TYW1B: variants seen among roughly 807,000 people sequenced by gnomAD.
TYW1B encodes S-adenosyl-L-methionine-dependent tRNA 4-demethylwyosine synthase TYW1B.
Under a neutral mutation model 86.9 loss-of-function variants are expected in TYW1B, and 73 were observed. That is an observed-to-expected ratio of 0.84 (90% CI 0.70 to 1.02). The LOEUF (loss-of-function observed/expected upper bound fraction) is 1.02, where lower values mean the gene tolerates loss of function less well. TYW1B is among the 50% of genes least tolerant of loss of function. The probability of loss-of-function intolerance (pLI) is 0.00; values close to 1 mark genes in which losing one functional copy is unlikely to be tolerated. For synonymous variants in TYW1B, 248 were observed against 292.8 expected, an observed-to-expected ratio of 0.85 and a Z score of 1.56; for missense variants, 637 against 827.4, an observed-to-expected ratio of 0.77 and a Z score of 2.82.
chr7:72,706,834 T>C (rs1467741897), intron 10 of TYW1B, among the ~76,000 whole-genome samples: 2 of 152,134 alleles, frequency 1.3e-5, no homozygotes, highest in East Asian at 3.8e-4. Flanking sequence ...ATGTAAAACC[T>C]CTTGGTTTTT....
intron 7 of TYW1B, among the ~76,000 whole-genome samples, chr7:72,761,074 C>T (rs558625599): frequency 2.4e-4 from 36 of 152,170 alleles, no homozygotes; most frequent in African/African-American, 8.2e-4. Flanking sequence ...AAATAAATTA[C>T]ACCAATGTAA....
Position 72,632,388 on chromosome 7 carries a change from G to GTATATATATAATATATATATACA in TYW1B, c.1507-3392_1507-3391insTGTATATATATATTATATATATA, listed in dbSNP as rs1563038697. Among the ~76,000 whole-genome samples, 492 of 70,288 alleles carry GTATATATATAATATATATATACA rather than the reference G, an allele frequency of 7.0e-3. 31 individuals carry two copies. In the East Asian group the frequency reaches 0.07, roughly 10 times the overall value. 46.1% of individuals were successfully genotyped at this position (70,288 alleles called of 152,430 possible). On this transcript the variant is annotated intron_variant, in intron 11 of 13. Transcript: ENST00000620995. ...ATACGCATATATATTATATATATAC[G>GTATATATATAATATATATATACA]TATATATATATAATATATATATACA...
At chr7:72,652,625 G>A (rs141017331) in intron 11 of TYW1B, among the ~76,000 whole-genome samples, 19 of 151,138 alleles carry the variant, frequency 1.3e-4, no homozygotes, top group Admixed American at 2.6e-4. Flanking sequence ...ATACTGGTGA[G>A]TTGAACTTAC....
intron 11 of TYW1B, among the ~76,000 whole-genome samples, chr7:72,680,621 G>C (rs1449884743): frequency 2.0e-5 from 3 of 152,126 alleles, no homozygotes; most frequent in African/African-American, 7.2e-5. Context: ...CCTTGTGATA[G>C]TGCGAGTCAA....
At chr7:72,599,354 C>T (rs1157121685) in intron 13 of TYW1B, among the ~76,000 whole-genome samples, 1 of 152,002 alleles carries the variant, frequency 6.6e-6, no homozygotes, top group Admixed American at 6.5e-5. Flanking sequence ...TGATTAAAAA[C>T]CCTCAGCAAA....
intron 13 of TYW1B, among the ~76,000 whole-genome samples, chr7:72,588,673 G>A (rs1554430894): frequency 1.3e-5 from 2 of 152,090 alleles, no homozygotes; most frequent in Non-Finnish European, 1.5e-5. Context: ...GCTGGGACAG[G>A]GACTCTGTCT....
At chr7:72,748,610 C>T (rs1787436562) in intron 7 of TYW1B, among the ~76,000 whole-genome samples, 1 of 150,716 alleles carries the variant, frequency 6.6e-6, no homozygotes, top group South Asian at 2.1e-4. Flanking sequence ...GTTAATATTC[C>T]TCTATTTCTA....
At chr7:72,788,486 G>A (rs547632352) in intron 6 of TYW1B, among the ~76,000 whole-genome samples, 5 of 152,214 alleles carry the variant, frequency 3.3e-5, no homozygotes, top group Admixed American at 1.3e-4. Context: ...CCAAATCTTC[G>A]AAGCCAAAAT....
chr7:72,749,724 CT>C (rs1170711681), intron 7 of TYW1B, among the ~76,000 whole-genome samples: 286 of 140,474 alleles, frequency 2.0e-3, no homozygotes, highest in Non-Finnish European at 2.5e-3. Context: ...CTTCCATTTT[CT>C]TTTTTTTTTT....
chr7:72,669,665 G>A (rs1813548434), intron 11 of TYW1B, among the ~76,000 whole-genome samples: 1 of 152,046 alleles, frequency 6.6e-6, no homozygotes, highest in Admixed American at 6.6e-5. Flanking sequence ...AGCTACTTGG[G>A]AAGCTGAGGC....
rs200655207 is a variant in TYW1B at position 72,772,193 on chromosome 7, CCTCT to C, written c.964+5219_964+5222del. Reference sequence around the variant, plus strand: ...CAAAAATTATACGAGGAGATTTTAACCTCTCTGTCTCTAACAGATCTCATAGGTA... The same window carrying C: ...CAAAAATTATACGAGGAGATTTTAACCTGTCTCTAACAGATCTCATAGGTA... On this transcript the variant is annotated intron_variant, in intron 7 of 13. Coordinates refer to ENST00000620995, the MANE Select transcript of TYW1B (RefSeq NM_001145440.3). Among the ~76,000 whole-genome samples, 629 of 151,924 alleles carry C rather than the reference CCTCT, an allele frequency of 4.1e-3. 6 individuals carry two copies. Among genetic ancestry groups the C allele is most frequent in the African/African-American group, 0.014 (597 of 41,440 alleles).
rs1197048292 is a variant in TYW1B, at chr7:72,828,186, T to G, written c.-111A>C. The G allele has an allele frequency of 2.8e-5, 44 of 1,566,672 alleles. No individual in the cohort carries two copies. The highest frequency in any genetic ancestry group is 3.6e-5 in the Non-Finnish European group (41 of 1,153,570). On this transcript the variant is annotated 5_prime_UTR_variant, in exon 1 of 14. Transcript: ENST00000620995. ...CTCGCGGCGTTAGCGCCGTACCGAG[T>G]GGCTGCAGAACTGTGGGCAGCTACG...
intron 8 of TYW1B, among the ~76,000 whole-genome samples, chr7:72,737,472 T>C (rs146110380): frequency 2.1e-3 from 325 of 152,306 alleles, no homozygotes; most frequent in African/African-American, 7.2e-3. Context: ...GAAATTAAGA[T>C]TGAGGAGCAC....
chr7:72,693,874 C>T (rs1214645773), intron 11 of TYW1B, among the ~76,000 whole-genome samples: 1 of 152,106 alleles, frequency 6.6e-6, no homozygotes, highest in Admixed American at 6.6e-5. Flanking sequence ...CATTGTACTA[C>T]ATATTATAAG....
chr7:72,710,812 A>G (rs868939945), intron 10 of TYW1B, among the ~76,000 whole-genome samples: 4 of 152,214 alleles, frequency 2.6e-5, no homozygotes, highest in South Asian at 4.1e-4. Context: ...TGTCTCAAAA[A>G]TAAATAAACA....
chr7:72,582,861 A>C (rs1811190400), intron 13 of TYW1B, among the ~76,000 whole-genome samples: 1 of 152,206 alleles, frequency 6.6e-6, no homozygotes, highest in Non-Finnish European at 1.5e-5. Flanking sequence ...ATAAAAGTTA[A>C]CCAAAGGTGG....
intron 6 of TYW1B, among the ~76,000 whole-genome samples, chr7:72,784,336 G>C (rs1788093792): frequency 6.6e-6 from 1 of 152,226 alleles, no homozygotes; most frequent in Non-Finnish European, 1.5e-5. Flanking sequence ...CAGGCTTGAG[G>C]CTGTCAACTT....
At chr7:72,646,693 T>C (rs1812940033) in intron 11 of TYW1B, among the ~76,000 whole-genome samples, 1 of 152,158 alleles carries the variant, frequency 6.6e-6, no homozygotes, top group Admixed American at 6.5e-5. Flanking sequence ...CTTTATATGT[T>C]GTATACGGAA....
At chr7:72,710,297 A>C (rs1352146686) in intron 10 of TYW1B, among the ~76,000 whole-genome samples, 13 of 152,172 alleles carry the variant, frequency 8.5e-5, no homozygotes, top group African/African-American at 2.9e-4. Context: ...CTCTATCCCA[A>C]TGTCCCGCAC....
Sources: allele counts gnomAD v4.1 joint callset (sites outside exome capture counted in the v4.1 genomes callset), GRCh38; gene constraint gnomAD v4.1.1; transcripts MANE v1.5; gene names NCBI Gene and HGNC (gene_info 2026-07-23, HGNC 2026-07-21).